Variants in NLGN4X observed in about 807,000 individuals in gnomAD.
NLGN4X encodes the protein neuroligin 4 X-linked, also known as neuroligin-4, X-linked.
NLGN4X carries 3 observed loss-of-function variants against 40.3 expected under a neutral mutation model. The observed-to-expected ratio is 0.07, with a 90% CI of 0.03 to 0.19. The LOEUF is 0.19. Ranked by LOEUF, NLGN4X falls within the 10% of genes least tolerant of loss-of-function variation. The pLI is 1.00. For synonymous variants in NLGN4X, 270 were observed against 306.8 expected, an observed-to-expected ratio of 0.88 and a Z score of 1.25; for missense variants, 382 against 708.3, an observed-to-expected ratio of 0.54 and a Z score of 5.23.
At chrX:5,926,879 T>C in intron 3 of NLGN4X, among the ~76,000 whole-genome samples, 1 of 108,567 alleles carries the variant, frequency 9.2e-6, no homozygotes, top group Non-Finnish European at 1.9e-5. Context: ...ATACAGATAT[T>C]CTTATCTATC....
intron 3 of NLGN4X, among the ~76,000 whole-genome samples, chrX:6,002,915 C>T (rs936680945): frequency 6.3e-5 from 7 of 111,496 alleles, no homozygotes; most frequent in Admixed American, 2.9e-4. Context: ...AGATTCTGGC[C>T]GGGGATGACG....
intron 3 of NLGN4X, among the ~76,000 whole-genome samples, chrX:6,000,051 C>T (rs2035934544): frequency 8.9e-6 from 1 of 112,181 alleles, no homozygotes; most frequent in African/African-American, 3.2e-5. Context: ...TATGGGCCAT[C>T]CCTATCCAAG....
At chrX:6,187,822 C>T (rs2147822406) in intron 1 of NLGN4X, 1 of 111,539 alleles carries the variant, frequency 9.0e-6, no homozygotes, top group Admixed American at 9.5e-5. Flanking sequence ...ATTAGTTTTG[C>T]AGAATGGGAA....
At chrX:6,140,066 C>G (rs2039910416) in intron 2 of NLGN4X, among the ~76,000 whole-genome samples, 1 of 111,155 alleles carries the variant, frequency 9.0e-6, no homozygotes, top group African/African-American at 3.3e-5. Context: ...TCATAAAAGA[C>G]AGAGAAGAGA....
chrX:6,186,594 T>G (rs1277299860), intron 1 of NLGN4X, among the ~76,000 whole-genome samples: 1 of 112,065 alleles, frequency 8.9e-6, no homozygotes, highest in African/African-American at 3.2e-5. Context: ...AAAGGAAACC[T>G]TATGAGTTTG....
chrX:6,193,337 A>G (rs1922727290), intron 1 of NLGN4X, among the ~76,000 whole-genome samples: 1 of 106,390 alleles, frequency 9.4e-6, no homozygotes, highest in Non-Finnish European at 1.9e-5. Flanking sequence ...TGAACCCGGA[A>G]GGCAGAGCTT....
chrX:6,153,325 C>T (rs775810198), intron 1 of NLGN4X, among the ~76,000 whole-genome samples: 14 of 110,920 alleles, frequency 1.3e-4, no homozygotes, highest in African/African-American at 4.6e-4. Flanking sequence ...TGGATGAAAA[C>T]GCACTGAAAA....
In NLGN4X at chrX:6,086,387, T is replaced by C. The variant is rs749656033; in HGVS notation, c.473-56955A>G. Among the ~76,000 whole-genome samples, 13 of 111,786 alleles carry C rather than the reference T, an allele frequency of 1.2e-4. No homozygotes were observed. The East Asian group carries it at 3.7e-3, about 32-fold the overall frequency. On this transcript the variant is annotated intron_variant, in intron 2 of 5. Transcript: ENST00000381095. ...GCTTCTCTCAAGCCCAATGAAGCAATGAATAATAGGAAATGTAACAAAAAA... is the reference window on the plus strand; with the variant it reads ...GCTTCTCTCAAGCCCAATGAAGCAACGAATAATAGGAAATGTAACAAAAAA...
At position 6,011,184 on chromosome X, in the gene NLGN4X, GA is replaced by G. The variant is rs762162919; in HGVS notation, c.625+18095del. ...CTTTCCTAAATATGATAATAAAAAA[GA>G]AAGAAATGTTGGCACTATGAAAACC... On this transcript the variant is annotated intron_variant, in intron 3 of 5. Coordinates refer to ENST00000381095, the MANE Select transcript of NLGN4X (RefSeq NM_181332.3). 9.1e-3 allele frequency among the ~76,000 whole-genome samples: 1,004 copies of G among 110,431 alleles called. 11 individuals are homozygous for G. The highest frequency in any genetic ancestry group is 0.031 in the African/African-American group (951 of 30,386).
In NLGN4X at chrX:5,891,536, G is replaced by A. The variant is rs2031171885; in HGVS notation, c.*1281C>T. On this transcript the variant is annotated 3_prime_UTR_variant, in exon 6 of 6. Transcript: ENST00000381095. ...GGTACTTCATCGGCCAAACCCTCCC[G>A]CAGCTGCTAGGGAACACAGAGCCGT... is the stretch of plus-strand genomic sequence containing the variant. 1 of 286,175 alleles carries A rather than the reference G, an allele frequency of 3.5e-6. No homozygotes were observed. Among genetic ancestry groups the A allele is most frequent in the Non-Finnish European group, 6.6e-6 (1 of 152,596 alleles). 23.6% of individuals were successfully genotyped at this position (286,175 alleles called of 1,213,427 possible).
rs1482477850 is a variant in NLGN4X at position 5,962,451 on chromosome X, A to G, written c.626-53212T>C. Among the ~76,000 whole-genome samples, 8 of 112,378 alleles carry G rather than the reference A, an allele frequency of 7.1e-5. No individual in the cohort carries two copies. In the Admixed American group the frequency reaches 7.5e-4, roughly 11 times the overall value. On this transcript the variant is annotated intron_variant, in intron 3 of 5. Transcript: ENST00000381095. ...ATGCATACCAACACTTTTGCAAAAA[A>G]GTCATGGAAGAATTAACTATCACTA...
intron 1 of NLGN4X, among the ~76,000 whole-genome samples, chrX:6,162,166 AT>A (rs1295241717): frequency 9.8e-5 from 11 of 112,246 alleles, no homozygotes; most frequent in Admixed American, 9.5e-4. Flanking sequence ...TGTATTATGT[AT>A]CTGGGAGGTA....
At chrX:5,929,247 G>A (rs2033449312) in intron 3 of NLGN4X, among the ~76,000 whole-genome samples, 1 of 111,430 alleles carries the variant, frequency 9.0e-6, no homozygotes, top group Non-Finnish European at 1.9e-5. Context: ...AAGATCACCT[G>A]AGGTCAGGAG....
intron 2 of NLGN4X, among the ~76,000 whole-genome samples, chrX:6,056,148 G>C (rs186252523): frequency 3.8e-4 from 42 of 111,854 alleles, no homozygotes; most frequent in African/African-American, 1.3e-3. Context: ...GGGTAAGTGG[G>C]ACCATATGAG....
chrX:6,020,797 C>G (rs1295262802), intron 3 of NLGN4X, among the ~76,000 whole-genome samples: 2 of 109,562 alleles, frequency 1.8e-5, no homozygotes, highest in Non-Finnish European at 3.8e-5. Flanking sequence ...CTTGTCTCCA[C>G]TCCCTCCCTT....
intron 1 of NLGN4X, chrX:6,226,497 G>C (rs1926345610): frequency 8.9e-6 from 1 of 111,908 alleles, no homozygotes; most frequent in African/African-American, 3.3e-5. Context: ...GGGAAGAAAG[G>C]GCGCTGTGTC....
intron 2 of NLGN4X, among the ~76,000 whole-genome samples, chrX:6,047,763 T>A (rs2037364430): frequency 9.0e-6 from 1 of 111,721 alleles, no homozygotes; most frequent in Non-Finnish European, 1.9e-5. Flanking sequence ...GTGTGCAGAT[T>A]ATCTGCCCAC....
intron 2 of NLGN4X, among the ~76,000 whole-genome samples, chrX:6,063,587 T>C (rs764895843): frequency 1.8e-5 from 2 of 112,205 alleles, no homozygotes; most frequent in Admixed American, 9.5e-5. Context: ...CATGGATGCA[T>C]CCCTGAAGCT....
intron 3 of NLGN4X, among the ~76,000 whole-genome samples, chrX:5,950,351 C>T (rs150945064): frequency 0.017 from 1,851 of 112,015 alleles, 9 homozygotes; most frequent in Non-Finnish European, 0.026. Flanking sequence ...TGACTTAGTA[C>T]TTTATAAATA....
Sources: gnomAD v4.1 joint callset for allele counts (sites outside exome capture counted in the v4.1 genomes callset) on GRCh38, gnomAD v4.1.1 for gene constraint, MANE v1.5 for transcripts, NCBI Gene and HGNC (gene_info 2026-07-23, HGNC 2026-07-21) for gene names.